Variants in ZFHX3 observed in about 807,000 individuals in gnomAD.
ZFHX3 encodes the protein zinc finger homeobox 3.
Under a neutral mutation model 279.1 loss-of-function variants are expected in ZFHX3, and 42 were observed. The observed-to-expected ratio is 0.15, with a 90% CI of 0.12 to 0.19. ZFHX3 has a LOEUF of 0.19. Ranked by LOEUF, ZFHX3 falls within the 10% of genes least tolerant of loss-of-function variation. The pLI, the probability that ZFHX3 is intolerant of heterozygous loss-of-function variation, is 1.00. For missense variants in ZFHX3, 4,981 were observed against 4,754.0 expected, an observed-to-expected ratio of 1.05 and a Z score of -1.40; for synonymous variants, 2,293 against 1,957.8, an observed-to-expected ratio of 1.17 and a Z score of -4.52.
intron 1 of ZFHX3, among the ~76,000 whole-genome samples, chr16:73,859,846 T>C (rs1961834256): frequency 6.6e-6 from 1 of 152,194 alleles, no homozygotes; most frequent in Non-Finnish European, 1.5e-5. Context: ...TTTTACAACC[T>C]AGCACGGTAC....
chr16:73,512,720 G>T (rs967054009), intron 2 of ZFHX3, among the ~76,000 whole-genome samples: 51 of 152,340 alleles, frequency 3.3e-4, no homozygotes, highest in African/African-American at 1.2e-3. Context: ...GCAATGGTCT[G>T]TAGTAAACAG....
chr16:73,016,963 T>C (rs1343965614), intron 1 of ZFHX3, among the ~76,000 whole-genome samples: 1 of 151,334 alleles, frequency 6.6e-6, no homozygotes, highest in Non-Finnish European at 1.5e-5. Flanking sequence ...CAGTGGTTCA[T>C]GCCTATAATC....
At chr16:73,003,686 A>G (rs113041227) in intron 1 of ZFHX3, among the ~76,000 whole-genome samples, 8,048 of 152,262 alleles carry the variant, frequency 0.053, 280 homozygotes, top group Non-Finnish European at 0.076. Flanking sequence ...AGCCTGGACG[A>G]AACAGCGAGA....
At chr16:73,574,331 G>T (rs963866089) in intron 2 of ZFHX3, among the ~76,000 whole-genome samples, 1 of 147,658 alleles carries the variant, frequency 6.8e-6, no homozygotes, top group Non-Finnish European at 1.5e-5. Flanking sequence ...GTGAAATTTT[G>T]TATCATTTCT....
chr16:73,877,257 T>C (rs560393259), intron 1 of ZFHX3, among the ~76,000 whole-genome samples: 53 of 151,906 alleles, frequency 3.5e-4, no homozygotes, highest in African/African-American at 1.1e-3. Flanking sequence ...ATTTCACAAT[T>C]CATCAGTTTT....
chr16:72,840,037 T>A (rs556600710), intron 4 of ZFHX3, among the ~76,000 whole-genome samples: 1 of 152,156 alleles, frequency 6.6e-6, no homozygotes, highest in African/African-American at 2.4e-5. Flanking sequence ...AATTAAAAAA[T>A]TTAACAGTTT....
intron 1 of ZFHX3, among the ~76,000 whole-genome samples, chr16:73,058,358 C>CGGGCGCGGGGAGA (rs1965613515): frequency 6.8e-6 from 1 of 147,770 alleles, no homozygotes; most frequent in Non-Finnish European, 1.5e-5. Context: ...GCGCGGGGAG[C>CGGGCGCGGGGAGA]GCGGGCGGCG....
At chr16:73,126,227 C>T (rs994206435) in intron 7 of ZFHX3, among the ~76,000 whole-genome samples, 15 of 152,158 alleles carry the variant, frequency 9.9e-5, no homozygotes, top group East Asian at 3.9e-4. Flanking sequence ...GCAATCACAG[C>T]GGGGCACCAG....
At chr16:72,917,849 ATAAT>A (rs1341962083) in intron 3 of ZFHX3, among the ~76,000 whole-genome samples, 1 of 152,240 alleles carries the variant, frequency 6.6e-6, no homozygotes, top group East Asian at 1.9e-4. Context: ...ATTAATAAAA[ATAAT>A]TAAGTGGAAA....
At chr16:73,381,451 G>C (rs1442085397) in intron 3 of ZFHX3, among the ~76,000 whole-genome samples, 5 of 152,296 alleles carry the variant, frequency 3.3e-5, no homozygotes, top group African/African-American at 1.2e-4. Flanking sequence ...GAGAGAGAGA[G>C]AGACAAAGAG....
intron 7 of ZFHX3, among the ~76,000 whole-genome samples, chr16:73,121,898 A>G (rs934279249): frequency 1.2e-4 from 18 of 152,128 alleles, no homozygotes; most frequent in Non-Finnish European, 2.2e-4. Flanking sequence ...TACAGGCATG[A>G]GCCACCGCAC....
intron 3 of ZFHX3, among the ~76,000 whole-genome samples, chr16:73,326,954 T>C (rs150805520): frequency 7.0e-4 from 106 of 152,278 alleles, no homozygotes; most frequent in African/African-American, 2.6e-3. Context: ...CCACACATAT[T>C]TGTGGTTCTA....
intron 1 of ZFHX3, among the ~76,000 whole-genome samples, chr16:73,835,055 T>A (rs998120843): frequency 5.9e-5 from 9 of 152,228 alleles, no homozygotes; most frequent in African/African-American, 2.2e-4. Context: ...GGAAAAGGTG[T>A]TCTGGTAGCA....
At chr16:73,788,615 C>T (rs574683912) in intron 1 of ZFHX3, among the ~76,000 whole-genome samples, 7 of 152,080 alleles carry the variant, frequency 4.6e-5, no homozygotes, top group Admixed American at 2.6e-4. Flanking sequence ...GTGCTTAGCA[C>T]GCAGACAACT....
intron 1 of ZFHX3, among the ~76,000 whole-genome samples, chr16:72,980,511 C>T (rs540850278): frequency 4.7e-4 from 72 of 151,796 alleles, no homozygotes; most frequent in Non-Finnish European, 7.5e-4. Context: ...CAAGTATCAG[C>T]ACTTTGGGAG....
At chr16:73,842,635 C>G (rs1466556810) in intron 1 of ZFHX3, among the ~76,000 whole-genome samples, 6 of 152,120 alleles carry the variant, frequency 3.9e-5, no homozygotes, top group African/African-American at 1.4e-4. Flanking sequence ...ACAGTGACAG[C>G]CAAGGCTCCA....
intron 2 of ZFHX3, among the ~76,000 whole-genome samples, chr16:73,536,783 G>A (rs1416611068): frequency 6.6e-6 from 1 of 152,044 alleles, no homozygotes; most frequent in Non-Finnish European, 1.5e-5. Context: ...ATTTGTCAGA[G>A]GACTATGTTT....
chr16:73,070,459 T>A (rs1965808338), intron 8 of ZFHX3, among the ~76,000 whole-genome samples: 1 of 152,130 alleles, frequency 6.6e-6, no homozygotes, highest in East Asian at 1.9e-4. Context: ...CCCCTTGAGC[T>A]AATTATAAAA....
chr16:73,084,563 C>G (rs567256714), intron 8 of ZFHX3, among the ~76,000 whole-genome samples: 2 of 143,234 alleles, frequency 1.4e-5, no homozygotes, highest in African/African-American at 5.1e-5. Flanking sequence ...CTCTGTCACC[C>G]AGGCTGGAGT....
Sources: allele counts gnomAD v4.1 joint callset (sites outside exome capture counted in the v4.1 genomes callset), GRCh38; gene constraint gnomAD v4.1.1; transcripts MANE v1.5; gene names NCBI Gene and HGNC (gene_info 2026-07-23, HGNC 2026-07-21).